The following CNGB1 variants were observed in gnomAD, a reference collection of about 807,000 sequenced individuals.
The protein encoded by CNGB1 is cyclic nucleotide gated channel subunit beta 1.
A neutral mutation model predicts 151.7 loss-of-function variants in CNGB1; 126 were observed. The ratio of observed to expected loss-of-function variants is 0.83; its 90% confidence interval spans 0.72 to 0.96. The LOEUF is 0.96. Ranked by LOEUF, CNGB1 falls within the 40% of genes least tolerant of loss-of-function variation. CNGB1 has a pLI of 0.00. For missense variants in CNGB1, 1,698 were observed against 1,627.0 expected, an observed-to-expected ratio of 1.04 and a Z score of -0.75; for synonymous variants, 623 against 635.1, an observed-to-expected ratio of 0.98 and a Z score of 0.29.
At chr16:57,943,660 C>T (rs1961727477) in intron 14 of CNGB1, among the ~76,000 whole-genome samples, 1 of 151,962 alleles carries the variant, frequency 6.6e-6, no homozygotes, top group Non-Finnish European at 1.5e-5. Context: ...CGCCCTGCCC[C>T]CACCCGAAAA....
chr16:57,927,825 G>A (rs1474146422), intron 17 of CNGB1, among the ~76,000 whole-genome samples: 1 of 152,222 alleles, frequency 6.6e-6, no homozygotes, highest in African/African-American at 2.4e-5. Flanking sequence ...TCTACAAGTG[G>A]AGCCATTTCT....
chr16:57,920,614 G>A, intron 18 of CNGB1, 70 bp from the exon 19 acceptor site: 1 of 1,584,656 alleles, frequency 6.3e-7, no homozygotes, highest in South Asian at 1.1e-5. Flanking sequence ...GGCCAGAGCT[G>A]TGCAGCGTCT....
chr16:57,949,222 C>T (rs1420060752), intron 14 of CNGB1, 131 bp downstream of exon 14: 2 of 1,540,442 alleles, frequency 1.3e-6, no homozygotes, highest in Admixed American at 1.8e-5. Flanking sequence ...CCTCTTTGGT[C>T]AAAGCCCAGC....
intron 29 of CNGB1, among the ~76,000 whole-genome samples, 167 bp downstream of exon 29, chr16:57,901,185 G>C (rs543645640): frequency 6.6e-6 from 1 of 152,152 alleles, no homozygotes; most frequent in Non-Finnish European, 1.5e-5. Flanking sequence ...ATCCGCTCCT[G>C]CTCTTGGGTC....
At chr16:57,936,310 A>G (rs1199335614) in intron 16 of CNGB1, among the ~76,000 whole-genome samples, 1 of 152,092 alleles carries the variant, frequency 6.6e-6, no homozygotes, top group African/African-American at 2.4e-5. Context: ...TCTGTCTGCA[A>G]TCAGCACCCA....
rs372113851 is a variant in CNGB1 at position 57,901,663 on chromosome 16, G to A, written c.2795-38C>T. 28 of 1,564,128 alleles carry A rather than the reference G, an allele frequency of 1.8e-5. 1 individual carries two copies. In the African/African-American group the frequency reaches 2.4e-4, roughly 14 times the overall value. ...CCTGGCAAGGGTCAGAGGCAAGGCC[G>A]GGCCCCACCCCAGACATACATACCG... is the stretch of plus-strand genomic sequence containing the variant. On this transcript the variant is annotated intron_variant, in intron 27 of 32. Transcript: ENST00000251102.
Position 57,962,929 on chromosome 16 carries a change from GC to G in CNGB1, c.381+44del, listed in dbSNP as rs1170341037. The stretch of plus-strand genomic sequence containing the variant: ...GGAGCCCAAGGGCAGCCTCCCCACA[GC>G]CCCTCTCCAACCCGGCCCCTTCAGC... On this transcript the variant is annotated intron_variant, in intron 5 of 32. Transcript: ENST00000251102. 3.1e-6 allele frequency: 5 copies of G among 1,611,954 alleles called. No individual in the cohort carries two copies. In the African/African-American group the frequency reaches 6.7e-5, roughly 22 times the overall value.
chr16:57,961,013 C>A, intron 7 of CNGB1, 98 bp from the exon 8 acceptor site: 1 of 1,082,222 alleles, frequency 9.2e-7, no homozygotes, highest in South Asian at 1.3e-5. Context: ...CATTCCGTGC[C>A]CTCCAATCCT....
At chr16:57,934,640 G>A (rs1468401168) in intron 16 of CNGB1, among the ~76,000 whole-genome samples, 1 of 151,984 alleles carries the variant, frequency 6.6e-6, no homozygotes, top group Non-Finnish European at 1.5e-5. Context: ...GTACAGACAA[G>A]GCAAAGTATA....
intron 23 of CNGB1, 101 bp downstream of exon 23, chr16:57,915,148 C>T (rs1436219539): frequency 1.4e-5 from 13 of 909,586 alleles, no homozygotes; most frequent in Non-Finnish European, 1.9e-5. Flanking sequence ...CCTTGAGGAA[C>T]TCCCCTCCCC....
intron 16 of CNGB1, among the ~76,000 whole-genome samples, 159 bp from the exon 17 acceptor site, chr16:57,932,037 G>A (rs1486955924): frequency 1.3e-5 from 2 of 152,134 alleles, no homozygotes; most frequent in African/African-American, 4.8e-5. Flanking sequence ...CATGCAGGGG[G>A]TACAGGAACG....
intron 1 of CNGB1, among the ~76,000 whole-genome samples, chr16:57,970,410 T>C (rs1962511104): frequency 1.3e-5 from 2 of 152,128 alleles, no homozygotes; most frequent in Non-Finnish European, 2.9e-5. Flanking sequence ...GAATTTTCAT[T>C]ATGTAGCACA....
rs764636892 is a variant in CNGB1 at position 57,967,129 on chromosome 16, A to G, written c.158T>C (p.Met53Thr). 85 of 1,614,036 alleles carry G rather than the reference A, an allele frequency of 5.3e-5. No individual in the cohort carries two copies. Among genetic ancestry groups the G allele is most frequent in the Non-Finnish European group, 7.1e-5 (84 of 1,179,990 alleles). Residue 53 changes from methionine (M) to threonine (T), a missense_variant and splice_region_variant, in exon 2 of 33, where the codon ATG (methionine) becomes ACG (threonine). Coordinates refer to ENST00000251102, the MANE Select transcript of CNGB1 (RefSeq NM_001297.5). ...PEEAETESES[M>T]PPEESFKEEE... is the part of the protein sequence containing the mutation. Reference sequence around the variant, plus strand: ...CCCTCCTCCCGCTCTACCTCTCACCATGGACTCGGACTCTGTCTCGGCCTC... The same window carrying G: ...CCCTCCTCCCGCTCTACCTCTCACCGTGGACTCGGACTCTGTCTCGGCCTC...
At chr16:57,903,375 C>T (rs1182931335) in intron 27 of CNGB1, among the ~76,000 whole-genome samples, 1 of 151,730 alleles carries the variant, frequency 6.6e-6, no homozygotes, top group African/African-American at 2.4e-5. Flanking sequence ...GCCTGTAATC[C>T]CAGCTATTTG....
chr16:57,904,207 C>T (rs1329204282), intron 26 of CNGB1, among the ~76,000 whole-genome samples: 2 of 152,094 alleles, frequency 1.3e-5, no homozygotes, highest in African/African-American at 4.8e-5. Context: ...GACTGCCAGC[C>T]CCTTGGTGGC....
chr16:57,885,559 T>C (rs1226354731), intron 32 of CNGB1, among the ~76,000 whole-genome samples: 1 of 81,066 alleles, frequency 1.2e-5, no homozygotes, highest in African/African-American at 5.2e-5. Flanking sequence ...CCTTCCTTCC[T>C]CTCTCTCTCT....
chr16:57,892,385 G>A (rs1960116305), intron 31 of CNGB1, among the ~76,000 whole-genome samples: 3 of 152,170 alleles, frequency 2.0e-5, no homozygotes, highest in South Asian at 4.1e-4. Flanking sequence ...GATGTGGTGG[G>A]GAACGTGGGG....
At chr16:57,949,255 AAAG>A in intron 14 of CNGB1, 95 bp downstream of exon 14, 1 of 1,594,164 alleles carries the variant, frequency 6.3e-7, no homozygotes, top group Non-Finnish European at 8.5e-7. Flanking sequence ...AGAACAACAG[AAAG>A]GAGCTCCCAT....
chr16:57,958,461 C>A lies in CNGB1; in HGVS notation c.786G>T (p.Arg262Ser). The change falls in exon 11 of 33, where the codon AGG (arginine) becomes AGT (serine). Residue 262 changes from arginine to serine, a missense_variant. Arg to Ser is a moderately radical substitution (Grantham distance 110). Coordinates refer to ENST00000251102, the MANE Select transcript of CNGB1 (RefSeq NM_001297.5). ...CTGGCTGCGGCAAGGCCATCTCCAG[C>A]CTGTGCAGGACCCATGCCACCAGCC... ...PARLVAWVLH[R>S]LEMALPQPVL... The A allele has an allele frequency of 6.2e-7, 1 of 1,614,148 alleles. No individual in the cohort carries two copies. Among genetic ancestry groups the A allele is most frequent in the Non-Finnish European group, 8.5e-7 (1 of 1,180,008 alleles).
Sources: gnomAD v4.1 joint callset for allele counts (sites outside exome capture counted in the v4.1 genomes callset) on GRCh38, gnomAD v4.1.1 for gene constraint, MANE v1.5 for transcripts, NCBI Gene and HGNC (gene_info 2026-07-23, HGNC 2026-07-21) for gene names.